Variants in PALLD observed in about 807,000 individuals in gnomAD.
The protein encoded by PALLD is palladin.
Under a neutral mutation model 123.5 loss-of-function variants are expected in PALLD, and 61 were observed. That is an observed-to-expected ratio of 0.49 (90% CI 0.40 to 0.61). PALLD has a LOEUF of 0.61. PALLD is among the 20% of genes least tolerant of loss of function. The pLI is 0.00. For missense variants in PALLD, 1,273 were observed against 1,377.0 expected, an observed-to-expected ratio of 0.92 and a Z score of 1.20; for synonymous variants, 465 against 496.4, an observed-to-expected ratio of 0.94 and a Z score of 0.84.
chr4:168,566,511 T>A (rs1433623574), intron 2 of PALLD, among the ~76,000 whole-genome samples: 1 of 152,102 alleles, frequency 6.6e-6, no homozygotes, highest in Non-Finnish European at 1.5e-5. Flanking sequence ...CTGCCCAGGC[T>A]GGTCTCAAAC....
At chr4:168,789,905 C>T (rs1262172829) in intron 10 of PALLD, among the ~76,000 whole-genome samples, 1 of 152,026 alleles carries the variant, frequency 6.6e-6, no homozygotes, top group Admixed American at 6.6e-5. Flanking sequence ...TTATTTTTAA[C>T]TTAACACCGT....
At chr4:168,602,223 C>T (rs140681725) in intron 2 of PALLD, among the ~76,000 whole-genome samples, 4 of 152,302 alleles carry the variant, frequency 2.6e-5, no homozygotes, top group Non-Finnish European at 5.9e-5. Flanking sequence ...GTTATGTACT[C>T]GCCAGGCAGG....
chr4:168,738,738 C>T (rs1245211447), intron 10 of PALLD, among the ~76,000 whole-genome samples: 1 of 120,146 alleles, frequency 8.3e-6, no homozygotes, highest in Non-Finnish European at 1.8e-5. Context: ...GCCAGTCCTT[C>T]TTAAACTCTT....
intron 2 of PALLD, among the ~76,000 whole-genome samples, chr4:168,578,857 AT>A (rs1769932031): frequency 6.6e-6 from 1 of 152,226 alleles, no homozygotes; most frequent in African/African-American, 2.4e-5. Flanking sequence ...TTTTAAACCT[AT>A]TACTTCCCAA....
At chr4:168,836,231 C>G (rs1189626292) in intron 10 of PALLD, among the ~76,000 whole-genome samples, 1 of 152,188 alleles carries the variant, frequency 6.6e-6, no homozygotes, top group African/African-American at 2.4e-5. Flanking sequence ...CGCGTTAGCC[C>G]AACTGCCAAA....
chr4:168,532,918 T>C (rs910206851), intron 2 of PALLD, among the ~76,000 whole-genome samples: 5 of 152,180 alleles, frequency 3.3e-5, no homozygotes, highest in African/African-American at 4.8e-5. Context: ...TTGGGCAGGA[T>C]AGATGTTTAA....
At chr4:168,634,926 C>T (rs1393076157) in intron 2 of PALLD, among the ~76,000 whole-genome samples, 1 of 151,984 alleles carries the variant, frequency 6.6e-6, no homozygotes, top group East Asian at 1.9e-4. Context: ...ATATGCTTGA[C>T]CTCTCCATTA....
intron 10 of PALLD, among the ~76,000 whole-genome samples, chr4:168,810,834 A>AGAAG (rs1554087212): frequency 3.9e-4 from 57 of 145,742 alleles, no homozygotes; most frequent in Middle Eastern, 3.7e-3. Context: ...AAAGAAAAAA[A>AGAAG]AAGAAGAAGA....
chr4:168,576,691 A>T (rs1769642393), intron 2 of PALLD, among the ~76,000 whole-genome samples: 1 of 152,180 alleles, frequency 6.6e-6, no homozygotes, highest in African/African-American at 2.4e-5. Flanking sequence ...TGCCGCAATA[A>T]ACATACGTGT....
At chr4:168,509,013 T>C (rs1388490596) in intron 1 of PALLD, among the ~76,000 whole-genome samples, 1 of 152,174 alleles carries the variant, frequency 6.6e-6, no homozygotes, top group African/African-American at 2.4e-5. Context: ...TGGGTGTCCT[T>C]GCAATAGACA....
intron 10 of PALLD, among the ~76,000 whole-genome samples, chr4:168,847,363 T>G (rs1253000290): frequency 6.6e-6 from 1 of 152,186 alleles, no homozygotes; most frequent in Non-Finnish European, 1.5e-5. Context: ...ATGAGGCCAT[T>G]CAAAAGCATG....
chr4:168,782,203 C>G (rs1407385574), intron 10 of PALLD, among the ~76,000 whole-genome samples: 3 of 152,330 alleles, frequency 2.0e-5, no homozygotes, highest in African/African-American at 4.8e-5. Context: ...TGAGGCGCAA[C>G]AGAACTTCAC....
chr4:168,866,537 A>G (rs1370365023), intron 10 of PALLD, among the ~76,000 whole-genome samples: 1 of 152,156 alleles, frequency 6.6e-6, no homozygotes. Context: ...ACCTTTATCA[A>G]TTGGTTTCAT....
At chr4:168,536,644 T>G (rs1157356247) in intron 2 of PALLD, 1 of 152,128 alleles carries the variant, frequency 6.6e-6, no homozygotes, top group Non-Finnish European at 1.5e-5. Context: ...GAGCCCCTTA[T>G]AAAACCATCA....
intron 10 of PALLD, among the ~76,000 whole-genome samples, chr4:168,839,668 G>A (rs1028572528): frequency 8.5e-5 from 13 of 152,096 alleles, no homozygotes; most frequent in Non-Finnish European, 1.8e-4. Flanking sequence ...AGATGGAGCC[G>A]CCGTTTTACA....
chr4:168,716,784 T>A (rs1581125385), intron 10 of PALLD, among the ~76,000 whole-genome samples: 1 of 152,170 alleles, frequency 6.6e-6, no homozygotes, highest in Non-Finnish European at 1.5e-5. Flanking sequence ...AGATGATGTG[T>A]TTGAGAGATA....
At chr4:168,659,183 A>G (rs1225829421) in intron 2 of PALLD, among the ~76,000 whole-genome samples, 3 of 152,222 alleles carry the variant, frequency 2.0e-5, no homozygotes, top group Non-Finnish European at 4.4e-5. Context: ...CAGCAACAAA[A>G]CTTATCTTGG....
At chr4:168,785,967 T>G (rs2150576356) in intron 10 of PALLD, among the ~76,000 whole-genome samples, 1 of 150,318 alleles carries the variant, frequency 6.7e-6, no homozygotes, top group Middle Eastern at 3.5e-3. Context: ...GGCTTGTGAT[T>G]CACATTAATA....
rs111632998 is a variant in PALLD at position 168,645,168 on chromosome 4, A to G, written c.909-23022A>G. Among the ~76,000 whole-genome samples, 86 of 152,180 alleles carry G rather than the reference A, an allele frequency of 5.7e-4. 1 individual carries two copies. The highest frequency in any genetic ancestry group is 2.0e-3 in the African/African-American group (83 of 41,532). The stretch of plus-strand genomic sequence containing the variant: ...TCAGGATCTTCCACTAAATATCAGT[A>G]TTCAAATTATGTAGCCTTTTTGACC... On this transcript the variant is annotated intron_variant, in intron 2 of 21. Transcript: ENST00000505667.
Sources: allele counts gnomAD v4.1 joint callset (sites outside exome capture counted in the v4.1 genomes callset), GRCh38; gene constraint gnomAD v4.1.1; transcripts MANE v1.5; gene names NCBI Gene and HGNC (gene_info 2026-07-23, HGNC 2026-07-21).